Variants in NCOA7 observed in about 807,000 individuals in gnomAD.
NCOA7 encodes 140 kDa estrogen receptor-associated protein.
NCOA7 carries 45 observed loss-of-function variants against 104.3 expected under a neutral mutation model. The ratio of observed to expected loss-of-function variants is 0.43; its 90% confidence interval spans 0.34 to 0.55. NCOA7 has a LOEUF of 0.55. NCOA7 is among the 20% of genes least tolerant of loss of function. The pLI is 0.02. For missense variants in NCOA7, 1,041 were observed against 1,119.7 expected, an observed-to-expected ratio of 0.93 and a Z score of 1.00; for synonymous variants, 398 against 402.3, an observed-to-expected ratio of 0.99 and a Z score of 0.13.
chr6:125,841,973 A>G (rs1303831876), intron 2 of NCOA7, among the ~76,000 whole-genome samples: 1 of 152,238 alleles, frequency 6.6e-6, no homozygotes, highest in Non-Finnish European at 1.5e-5. Flanking sequence ...ATGAAAGTAT[A>G]TTATCATAAA....
intron 2 of NCOA7, among the ~76,000 whole-genome samples, chr6:125,848,449 A>C (rs553151765): frequency 6.6e-6 from 1 of 152,330 alleles, no homozygotes; most frequent in East Asian, 1.9e-4. Context: ...GCACGTATAC[A>C]CCATGGAATA....
chr6:125,829,743 GT>G (rs1778995341), intron 2 of NCOA7, among the ~76,000 whole-genome samples: 1 of 146,508 alleles, frequency 6.8e-6, no homozygotes, highest in Non-Finnish European at 1.5e-5. Context: ...AGGAACTAAC[GT>G]CCCCCTCTAA....
intron 2 of NCOA7, among the ~76,000 whole-genome samples, chr6:125,824,862 C>T (rs1204873718): frequency 6.6e-6 from 1 of 152,090 alleles, no homozygotes; most frequent in South Asian, 2.1e-4. Flanking sequence ...GGGTTCACGC[C>T]ATTCTCCTGC....
chr6:125,870,990 G>A (rs1782844214), intron 3 of NCOA7, among the ~76,000 whole-genome samples: 1 of 152,176 alleles, frequency 6.6e-6, no homozygotes, highest in Non-Finnish European at 1.5e-5. Flanking sequence ...TTTGTTACAG[G>A]TACTCCTTAT....
chr6:125,902,815 A>T (rs1583503171), intron 10 of NCOA7, among the ~76,000 whole-genome samples: 1 of 152,356 alleles, frequency 6.6e-6, no homozygotes, highest in South Asian at 2.1e-4. Flanking sequence ...GTCCACCCCT[A>T]AAATGCTATG....
intron 2 of NCOA7, among the ~76,000 whole-genome samples, chr6:125,817,857 T>G (rs1442044668): frequency 6.6e-6 from 1 of 152,214 alleles, no homozygotes; most frequent in African/African-American, 2.4e-5. Flanking sequence ...CCTGTTTTTC[T>G]TTTCTGAAAA....
In NCOA7 at chr6:125,890,646, A is replaced by G. The variant is rs1784561598; in HGVS notation, c.1932A>G (p.Ile644Met). The change falls in exon 10 of 16, where the codon ATA becomes ATG. Residue 644 changes from isoleucine (I) to methionine (M), a missense_variant. Around this residue, in one of 2 missense-constraint regions of NCOA7, gnomAD observed 914 missense variants for 942.7 expected, o/e 0.97. Coordinates refer to ENST00000392477, the MANE Select transcript of NCOA7 (RefSeq NM_181782.5). Reference protein sequence around the residue: ...LKRIQVPIEDILPSKEEKSKT... With the variant: ...LKRIQVPIEDMLPSKEEKSKT... ...GTTTTTTCGTGTGTGATTCAGATAT[A>G]CTTCCTTCAAAAGAAGAAAAAAGCA... is the stretch of plus-strand genomic sequence containing the variant. 1.2e-6 allele frequency: 2 copies of G among 1,611,690 alleles called. No homozygotes were observed. The highest frequency in any genetic ancestry group is 1.7e-4 in the Middle Eastern group (1 of 6,042).
chr6:125,926,394 A>C (rs1406807814), intron 13 of NCOA7, among the ~76,000 whole-genome samples: 1 of 152,068 alleles, frequency 6.6e-6, no homozygotes, highest in Non-Finnish European at 1.5e-5. Context: ...GTGAAAGTAA[A>C]GATAACTTAT....
chr6:125,795,707 A>G (rs944498965), intron 1 of NCOA7, among the ~76,000 whole-genome samples: 3 of 152,076 alleles, frequency 2.0e-5, no homozygotes, highest in Non-Finnish European at 4.4e-5. Flanking sequence ...AAACATTTCC[A>G]TCATACACAG....
At position 125,927,751 on chromosome 6, in the gene NCOA7, AT is replaced by A. The variant is rs758979272; in HGVS notation, c.2616del (p.Phe872LeufsTer18). 1 of 1,611,604 alleles carries A rather than the reference AT, an allele frequency of 6.2e-7. No individual in the cohort carries two copies. The highest frequency in any genetic ancestry group is 8.5e-7 in the Non-Finnish European group (1 of 1,177,682). ...ACTTTTCTCTACACATTCAGCCCTC[AT>A]TTTAAGGTACCTAGATAGGAGAAAT... ...GETFLYTFSP[H>X]FKVFKWSGEN... is the part of the protein sequence containing the mutation. On this transcript the variant is annotated frameshift_variant, in exon 14 of 16. Transcript: ENST00000392477. LOFTEE classifies it high-confidence loss of function.
chr6:125,856,873 T>C (rs1781607010), intron 3 of NCOA7, among the ~76,000 whole-genome samples: 1 of 152,170 alleles, frequency 6.6e-6, no homozygotes, highest in Admixed American at 6.5e-5. Context: ...AAACATACCT[T>C]GTATCCATGT....
At chr6:125,817,282 C>CT (rs1777680740) in intron 2 of NCOA7, among the ~76,000 whole-genome samples, 1 of 152,134 alleles carries the variant, frequency 6.6e-6, no homozygotes, top group South Asian at 2.1e-4. Context: ...AGATAATTGT[C>CT]TGAGAGTGCA....
At chr6:125,803,460 G>A (rs1475518119) in intron 1 of NCOA7, among the ~76,000 whole-genome samples, 4 of 152,130 alleles carry the variant, frequency 2.6e-5, no homozygotes, top group African/African-American at 9.7e-5. Flanking sequence ...TTACTGAATT[G>A]AAGAAAATTA....
In NCOA7 at chr6:125,812,804, G is replaced by A. The variant is rs1022299475; in HGVS notation, c.-64-2487G>A. Among the ~76,000 whole-genome samples, 56 of 152,030 alleles carry A rather than the reference G, an allele frequency of 3.7e-4. 1 individual carries two copies. Among genetic ancestry groups the A allele is most frequent in the African/African-American group, 1.3e-3 (53 of 41,456 alleles). ...TTCATGTATATTGTACTAGATCTTC[G>A]GTGCCGTAACCCACGCAGTTCCTGA... On this transcript the variant is annotated intron_variant, in intron 1 of 15. Coordinates refer to ENST00000392477, the MANE Select transcript of NCOA7 (RefSeq NM_181782.5).
chr6:125,926,994 A>C lies in NCOA7; in HGVS notation c.2524-669A>C, dbSNP rs1788089887. ...CTCCCCTTCCATCCCCCGATAAGAA[A>C]AAGTACAAGAACCATTGATTTAAAC... On this transcript the variant is annotated intron_variant, in intron 13 of 15. Transcript: ENST00000392477. Among the ~76,000 whole-genome samples, 4 of 152,204 alleles carry C rather than the reference A, an allele frequency of 2.6e-5. No individual in the cohort carries two copies. In the South Asian group the frequency reaches 8.3e-4, roughly 32 times the overall value.
rs571137813 is a variant in NCOA7, at chr6:125,800,499, A to G, written c.-65+9432A>G. ...AAAAGTGGAGACCACTAATCTAAAT[A>G]AAAGGCAAGACCTTACCGTTTCATA... is the stretch of plus-strand genomic sequence containing the variant. On this transcript the variant is annotated intron_variant, in intron 1 of 15. Coordinates refer to ENST00000392477, the MANE Select transcript of NCOA7 (RefSeq NM_181782.5). Among the ~76,000 whole-genome samples the G allele has an allele frequency of 5.9e-4, 90 of 152,272 alleles. 1 individual carries two copies. The highest frequency in any genetic ancestry group is 1.1e-3 in the Non-Finnish European group (75 of 68,056).
At position 125,855,562 on chromosome 6, in the gene NCOA7, G is replaced by A. The variant is rs1460474875; in HGVS notation, c.271+322G>A. The A allele has an allele frequency of 1.8e-5, 3 of 168,504 alleles. No homozygotes were observed. The East Asian group carries it at 4.7e-4, about 26-fold the overall frequency. 10.4% of individuals were successfully genotyped at this position (168,504 alleles called of 1,614,324 possible). ...ATGTAGACATATTCATAAATATGCT[G>A]ATAGAAATGCCTGTACTTTTTGGCA... On this transcript the variant is annotated intron_variant, in intron 3 of 15. Transcript: ENST00000392477.
At chr6:125,895,179 A>G (rs1784905859) in intron 10 of NCOA7, among the ~76,000 whole-genome samples, 1 of 152,172 alleles carries the variant, frequency 6.6e-6, no homozygotes, top group Non-Finnish European at 1.5e-5. Context: ...GAAATGTTTT[A>G]TAATAATTCT....
At chr6:125,853,502 C>G (rs1304639563) in intron 2 of NCOA7, among the ~76,000 whole-genome samples, 1 of 152,140 alleles carries the variant, frequency 6.6e-6, no homozygotes. Context: ...TCATCTATGA[C>G]TTTTCCTCTG....
Sources: gnomAD v4.1 joint callset for allele counts (sites outside exome capture counted in the v4.1 genomes callset) on GRCh38, gnomAD v4.1.1 for gene constraint, gnomAD v4.1.1 regional missense constraint, MANE v1.5 for transcripts, NCBI Gene and HGNC (gene_info 2026-07-23, HGNC 2026-07-21) for gene names.